KIAA1217: variants seen among roughly 807,000 people sequenced by gnomAD.
The protein encoded by KIAA1217 is KIAA1217, also known as sickle tail protein homolog.
Under a neutral mutation model 163.9 loss-of-function variants are expected in KIAA1217, and 88 were observed. That is an observed-to-expected ratio of 0.54 (90% CI 0.45 to 0.64). The LOEUF (loss-of-function observed/expected upper bound fraction) is 0.64. KIAA1217 is among the 30% of genes least tolerant of loss of function. KIAA1217 has a pLI of 0.00. For synonymous variants in KIAA1217, 903 were observed against 923.1 expected, an observed-to-expected ratio of 0.98 and a Z score of 0.39; for missense variants, 2,372 against 2,475.0, an observed-to-expected ratio of 0.96 and a Z score of 0.88.
chr10:24,125,090 G>A (rs1362486093), intron 2 of KIAA1217, among the ~76,000 whole-genome samples: 4 of 152,026 alleles, frequency 2.6e-5, no homozygotes, highest in Admixed American at 6.6e-5. Context: ...TGGCCAATAC[G>A]GTAAAACCCC....
chr10:23,975,276 C>T (rs1410362727), intron 1 of KIAA1217, among the ~76,000 whole-genome samples: 2 of 152,130 alleles, frequency 1.3e-5, no homozygotes, highest in Non-Finnish European at 2.9e-5. Context: ...TTGTCTGGCT[C>T]CCCGCACTCC....
chr10:23,728,895 T>C (rs1299045122), intron 1 of KIAA1217, among the ~76,000 whole-genome samples: 8 of 152,192 alleles, frequency 5.3e-5, no homozygotes, highest in African/African-American at 1.4e-4. Context: ...GTATCCACCA[T>C]TTGTGGTACC....
chr10:24,204,457 A>T (rs914320835), upstream of KIAA1217, among the ~76,000 whole-genome samples: 6 of 152,134 alleles, frequency 3.9e-5, no homozygotes, highest in South Asian at 2.1e-4. Context: ...CCTTTGCTCT[A>T]ATTATTGTTT....
At chr10:24,441,971 G>C (rs937620774) in intron 5 of KIAA1217, among the ~76,000 whole-genome samples, 1 of 152,110 alleles carries the variant, frequency 6.6e-6, no homozygotes, top group Non-Finnish European at 1.5e-5. Context: ...TTCATAGTGT[G>C]GGGGCTTCTC....
chr10:24,264,688 G>C (rs1193644213), intron 2 of KIAA1217, among the ~76,000 whole-genome samples: 1 of 151,828 alleles, frequency 6.6e-6, no homozygotes, highest in Admixed American at 6.6e-5. Flanking sequence ...TGAATGATCT[G>C]ACAGGCCGTT....
At chr10:24,393,328 A>G (rs1190537992) in intron 3 of KIAA1217, among the ~76,000 whole-genome samples, 2 of 152,228 alleles carry the variant, frequency 1.3e-5, no homozygotes, top group Non-Finnish European at 2.9e-5. Context: ...GTCTACTGGC[A>G]TCCAGATTTC....
intron 2 of KIAA1217, among the ~76,000 whole-genome samples, chr10:24,146,190 A>T (rs769366444): frequency 1.6e-4 from 25 of 152,166 alleles, no homozygotes; most frequent in Non-Finnish European, 3.1e-4. Context: ...GCTCAGAAAG[A>T]TACAAAAGGG....
At chr10:24,224,172 A>G (rs1242190989) in intron 2 of KIAA1217, among the ~76,000 whole-genome samples, 2 of 151,812 alleles carry the variant, frequency 1.3e-5, no homozygotes, top group African/African-American at 4.8e-5. Context: ...ATCGTTAAGG[A>G]CTCTTATCAG....
intron 3 of KIAA1217, among the ~76,000 whole-genome samples, chr10:24,430,087 A>C (rs1366851521): frequency 6.6e-6 from 1 of 152,208 alleles, no homozygotes; most frequent in African/African-American, 2.4e-5. Flanking sequence ...TTGGGGCTGC[A>C]GTGAGCCCTG....
intron 2 of KIAA1217, among the ~76,000 whole-genome samples, chr10:24,008,908 A>G (rs994686515): frequency 1.3e-5 from 2 of 152,186 alleles, no homozygotes; most frequent in African/African-American, 2.4e-5. Flanking sequence ...ACTACCATAA[A>G]TAACCTGTGT....
chr10:23,930,918 C>T (rs1843229013), intron 1 of KIAA1217, among the ~76,000 whole-genome samples: 1 of 152,108 alleles, frequency 6.6e-6, no homozygotes, highest in Non-Finnish European at 1.5e-5. Flanking sequence ...CCCTTGGTCT[C>T]CTGAAGATAC....
chr10:24,373,230 A>G (rs2051943078), intron 2 of KIAA1217, among the ~76,000 whole-genome samples: 1 of 152,208 alleles, frequency 6.6e-6, no homozygotes, highest in African/African-American at 2.4e-5. Flanking sequence ...CACTTCTTGC[A>G]AATGGAATAC....
intron 1 of KIAA1217, among the ~76,000 whole-genome samples, chr10:23,997,953 G>A (rs1243652672): frequency 5.9e-5 from 9 of 151,372 alleles, no homozygotes; most frequent in Non-Finnish European, 1.5e-5. Context: ...ATGGCTCCCT[G>A]AAGCCAGGAG....
chr10:24,535,747 A>G (rs1020680742), intron 16 of KIAA1217, among the ~76,000 whole-genome samples: 2 of 152,136 alleles, frequency 1.3e-5, no homozygotes, highest in Non-Finnish European at 2.9e-5. Flanking sequence ...ACTGCACTCC[A>G]GCGTGGGCGA....
intron 2 of KIAA1217, among the ~76,000 whole-genome samples, chr10:24,317,042 G>A (rs999590573): frequency 1.3e-5 from 2 of 152,038 alleles, no homozygotes; most frequent in African/African-American, 4.8e-5. Flanking sequence ...TCTAGAAAAG[G>A]CTAGAATTAT....
intron 1 of KIAA1217, among the ~76,000 whole-genome samples, chr10:23,849,608 G>A (rs933886227): frequency 2.0e-5 from 3 of 152,046 alleles, no homozygotes; most frequent in Non-Finnish European, 4.4e-5. Flanking sequence ...AACCAATATA[G>A]CACATGTATA....
chr10:24,053,748 A>G (rs1849683397), intron 2 of KIAA1217, among the ~76,000 whole-genome samples: 1 of 152,224 alleles, frequency 6.6e-6, no homozygotes, highest in Non-Finnish European at 1.5e-5. Context: ...AGTATTATAC[A>G]GTGATAGAAA....
chr10:24,086,884 A>C (rs1045815157), intron 2 of KIAA1217, among the ~76,000 whole-genome samples: 1 of 152,136 alleles, frequency 6.6e-6, no homozygotes, highest in Non-Finnish European at 1.5e-5. Context: ...TGTTTCCTCC[A>C]TTTGTCCCGT....
intron 2 of KIAA1217, among the ~76,000 whole-genome samples, chr10:24,226,358 G>A (rs545156240): frequency 4.9e-4 from 74 of 152,214 alleles, no homozygotes; most frequent in Non-Finnish European, 9.0e-4. Flanking sequence ...TGGGTGCGGT[G>A]GCTCACGCCT....
Sources: gnomAD v4.1 joint callset for allele counts (sites outside exome capture counted in the v4.1 genomes callset) on GRCh38, gnomAD v4.1.1 for gene constraint, MANE v1.5 for transcripts, NCBI Gene and HGNC (gene_info 2026-07-23, HGNC 2026-07-21) for gene names.